LRRIQ1: variants seen among roughly 807,000 people sequenced by gnomAD.
LRRIQ1 encodes the protein leucine-rich repeat- and IQ domain-containing protein 1.
Under a neutral mutation model 211.9 loss-of-function variants are expected in LRRIQ1, and 210 were observed. That is an observed-to-expected ratio of 0.99 (90% CI 0.89 to 1.11). The LOEUF (loss-of-function observed/expected upper bound fraction) is 1.11, where lower values mean the gene tolerates loss of function less well. Among genes scored for constraint, LRRIQ1 ranks in the 50% most tolerant of loss-of-function variants. The pLI, the probability that LRRIQ1 is intolerant of heterozygous loss-of-function variation, is 0.00. For synonymous variants in LRRIQ1, 699 were observed against 650.1 expected (o/e 1.08, Z -1.14); for missense variants, 2,136 against 1,939.5 (o/e 1.10, Z -1.90).
chr12:85,078,091 C>T (rs1883865456), intron 11 of LRRIQ1, among the ~76,000 whole-genome samples: 1 of 151,928 alleles, frequency 6.6e-6, no homozygotes, highest in Non-Finnish European at 1.5e-5. Flanking sequence ...TTTATGGAAT[C>T]GATTACTGTT....
the LRRIQ1 span, among the ~76,000 whole-genome samples, chr12:85,272,780 T>C: frequency 3.3e-5 from 5 of 152,196 alleles, no homozygotes; most frequent in Admixed American, 3.3e-4. Flanking sequence ...TGGGGGCATC[T>C]GATGTTGGAA....
chr12:85,124,105 G>A lies in LRRIQ1; in HGVS notation c.3593G>A (p.Cys1198Tyr), dbSNP rs936528152. The change falls in exon 17 of 27, where the codon TGT (cysteine) becomes TAT (tyrosine). Residue 1198 changes from cysteine (C) to tyrosine (Y), a missense_variant. Coordinates refer to ENST00000393217, the MANE Select transcript of LRRIQ1 (RefSeq NM_001079910.2). ...ACCTTGGATACTGCAGAAAATCTCT[G>A]TCATTATTTTAAGAAATTGATGATA... ...VFTLDTAENL[C>Y]HYFKKLMILS... 1 of 1,613,398 alleles carries A rather than the reference G, an allele frequency of 6.2e-7. No individual in the cohort carries two copies. The highest frequency in any genetic ancestry group is 8.5e-7 in the Non-Finnish European group (1 of 1,179,572).
Position 85,151,865 on chromosome 12 carries a change from T to A in LRRIQ1, c.4330-415T>A, listed in dbSNP as rs181289876. Among the ~76,000 whole-genome samples the A allele has an allele frequency of 3.4e-3, 511 of 151,766 alleles. 8 individuals carry two copies. The highest frequency in any genetic ancestry group is 0.032 in the Admixed American group (490 of 15,180). On this transcript the variant is annotated intron_variant, in intron 19 of 26. Coordinates refer to ENST00000393217, the MANE Select transcript of LRRIQ1 (RefSeq NM_001079910.2). ...AAAAAAAATTTAAGAAAAAGCTGGTTTATAGACTTTATAGAAAAATTGACA... is the reference window on the plus strand; with the variant it reads ...AAAAAAAATTTAAGAAAAAGCTGGTATATAGACTTTATAGAAAAATTGACA...
intron 24 of LRRIQ1, among the ~76,000 whole-genome samples, chr12:85,197,359 C>G (rs1395998348): frequency 6.6e-6 from 1 of 151,850 alleles, no homozygotes; most frequent in Non-Finnish European, 1.5e-5. Flanking sequence ...AATCATGCTG[C>G]TATAAAGACA....
chr12:85,254,789 T>A (rs1896042433), intron 1 of LRRIQ1, among the ~76,000 whole-genome samples: 1 of 152,018 alleles, frequency 6.6e-6, no homozygotes, highest in Admixed American at 6.6e-5. Context: ...AATGTTTTAT[T>A]AAAATATGTG....
intron 7 of LRRIQ1, among the ~76,000 whole-genome samples, chr12:85,052,771 C>T (rs566249933): frequency 2.6e-5 from 4 of 151,854 alleles, no homozygotes; most frequent in Admixed American, 1.3e-4. Context: ...TATATAAACC[C>T]GCTCCTGCAA....
downstream of LRRIQ1, among the ~76,000 whole-genome samples, chr12:85,246,107 A>G (rs1895706175): frequency 6.6e-6 from 1 of 151,216 alleles, no homozygotes; most frequent in African/African-American, 2.4e-5. Context: ...TACTTTTGAA[A>G]TAATAATTTT....
chr12:85,192,424 A>T (rs1395717049), intron 24 of LRRIQ1, among the ~76,000 whole-genome samples: 1 of 129,236 alleles, frequency 7.7e-6, no homozygotes, highest in East Asian at 2.1e-4. Context: ...ATATACATTT[A>T]TATATATTTA....
chr12:85,160,689 G>A lies in LRRIQ1; in HGVS notation c.4797G>A (p.Gln1599=). 1 of 1,599,712 alleles carries A rather than the reference G, an allele frequency of 6.3e-7. No homozygotes were observed. The highest frequency in any genetic ancestry group is 1.1e-5 in the South Asian group (1 of 89,218). The change falls in exon 24 of 27, where the codon CAG becomes CAA. Residue 1599 remains glutamine (Q), a synonymous_variant. Transcript: ENST00000393217. ...VSLPKSPKMV[Q]PRRDGYFEGI... is the part of the protein sequence containing the mutation. ...TTCCAAAATCACCAAAGATGGTACA[G>A]CCCAGAAGAGATGGTTACTTTGAAG... is the stretch of plus-strand genomic sequence containing the variant.
chr12:85,260,745 AC>A (rs1455063681), intron 1 of LRRIQ1, among the ~76,000 whole-genome samples: 3 of 152,076 alleles, frequency 2.0e-5, no homozygotes, highest in Non-Finnish European at 1.5e-5. Flanking sequence ...GTTTACTATT[AC>A]TTTTATTGTT....
chr12:85,037,543 A>G (rs1368140952), intron 1 of LRRIQ1, among the ~76,000 whole-genome samples: 1 of 146,490 alleles, frequency 6.8e-6, no homozygotes, highest in African/African-American at 2.5e-5. Flanking sequence ...TTTTTGAGTG[A>G]GTGAGTGAGG....
At chr12:85,182,415 G>A (rs1268615763) in intron 24 of LRRIQ1, among the ~76,000 whole-genome samples, 1 of 152,116 alleles carries the variant, frequency 6.6e-6, no homozygotes, top group Non-Finnish European at 1.5e-5. Flanking sequence ...AATTATGTGT[G>A]CCAAGATTTA....
intron 26 of LRRIQ1, among the ~76,000 whole-genome samples, chr12:85,236,853 A>ATATATATATATATATATC (rs1284295531): frequency 6.9e-6 from 1 of 144,124 alleles, no homozygotes; most frequent in Non-Finnish European, 1.5e-5. Context: ...ATATATATAT[A>ATATATATATATATATATC]TATCTCCCAG....
At chr12:85,214,872 T>A (rs919188092) in intron 24 of LRRIQ1, among the ~76,000 whole-genome samples, 17 of 152,084 alleles carry the variant, frequency 1.1e-4, no homozygotes, top group Non-Finnish European at 2.4e-4. Context: ...AGAACCCACA[T>A]ACATCGAAAG....
rs187116302 is a variant in LRRIQ1, at chr12:85,081,816, C to A, written c.2887+8718C>A. On this transcript the variant is annotated intron_variant, in intron 11 of 26. Transcript: ENST00000393217. ...TCAGCTCATTGCAACCTGTGCCTCC[C>A]AGTTTCAGGCTATTGTGCCTCAGCC... Among the ~76,000 whole-genome samples the A allele has an allele frequency of 5.3e-3, 787 of 149,166 alleles. 5 individuals are homozygous for A. The highest frequency in any genetic ancestry group is 8.6e-3 in the Non-Finnish European group (584 of 67,532).
chr12:85,096,885 G>A (rs193270447), intron 11 of LRRIQ1, among the ~76,000 whole-genome samples: 37 of 152,150 alleles, frequency 2.4e-4, no homozygotes, highest in Non-Finnish European at 5.3e-4. Flanking sequence ...TCATCTTGTT[G>A]GATTAAACCG....
At chr12:85,076,362 G>A (rs1420121919) in intron 11 of LRRIQ1, among the ~76,000 whole-genome samples, 1 of 151,830 alleles carries the variant, frequency 6.6e-6, no homozygotes, top group Non-Finnish European at 1.5e-5. Flanking sequence ...ATGTTAACAT[G>A]TAAGAGTAAA....
At chr12:85,257,735 T>A (rs997711891) in intron 1 of LRRIQ1, among the ~76,000 whole-genome samples, 2 of 151,770 alleles carry the variant, frequency 1.3e-5, no homozygotes, top group Non-Finnish European at 3.0e-5. Flanking sequence ...CACAAAACCC[T>A]TTTAGATTTT....
chr12:85,098,026 C>G (rs527359951), intron 11 of LRRIQ1, among the ~76,000 whole-genome samples: 1 of 152,164 alleles, frequency 6.6e-6, no homozygotes, highest in East Asian at 1.9e-4. Flanking sequence ...AAAAACTATT[C>G]TTTTAAGAAA....
Sources: gnomAD v4.1 joint callset for allele counts (sites outside exome capture counted in the v4.1 genomes callset) on GRCh38, gnomAD v4.1.1 for gene constraint, MANE v1.5 for transcripts, NCBI Gene and HGNC (gene_info 2026-07-23, HGNC 2026-07-21) for gene names.